Variants in PXDNL observed in about 807,000 individuals in gnomAD.
PXDNL encodes peroxidasin like, also known as probable oxidoreductase PXDNL.
In PXDNL, 145 loss-of-function variants were observed where a neutral mutation model predicts 150.8. The ratio of observed to expected loss-of-function variants is 0.96; its 90% CI spans 0.84 to 1.10. The LOEUF (loss-of-function observed/expected upper bound fraction) is 1.10. PXDNL is among the 50% of genes least tolerant of loss of function. The pLI is 0.00. For synonymous variants in PXDNL, 757 were observed against 725.7 expected (o/e 1.04, Z -0.69); for missense variants, 2,087 against 1,873.9 (o/e 1.11, Z -2.10).
At chr8:51,657,086 T>C (rs531967473) in intron 1 of PXDNL, among the ~76,000 whole-genome samples, 1 of 152,286 alleles carries the variant, frequency 6.6e-6, no homozygotes, top group South Asian at 2.1e-4. Context: ...TAGCTTAGCC[T>C]AGCCTACCTT....
intron 4 of PXDNL, among the ~76,000 whole-genome samples, chr8:51,555,478 T>TA (rs1431204745): frequency 7.2e-5 from 11 of 152,312 alleles, no homozygotes; most frequent in Admixed American, 4.6e-4. Flanking sequence ...AAAGGCAATT[T>TA]AAAAAAATTT....
chr8:51,715,487 G>A (rs1461681635), intron 1 of PXDNL, among the ~76,000 whole-genome samples: 3 of 152,148 alleles, frequency 2.0e-5, no homozygotes, highest in Admixed American at 6.5e-5. Flanking sequence ...GACACATTAG[G>A]TTTGAACGTC....
rs75490938 is a variant in PXDNL, at chr8:51,729,890, G to A, written c.165-75130C>T. Among the ~76,000 whole-genome samples, 914 of 152,318 alleles carry A rather than the reference G, an allele frequency of 6.0e-3. 13 individuals carry two copies. Among genetic ancestry groups the A allele is most frequent in the African/African-American group, 0.021 (871 of 41,572 alleles). ...AAAGAAGCCAATCTGAAAAGGCTATGTGCTATGTGACACACTATGGCATTC... is the reference window on the plus strand; with the variant it reads ...AAAGAAGCCAATCTGAAAAGGCTATATGCTATGTGACACACTATGGCATTC... On this transcript the variant is annotated intron_variant, in intron 1 of 22. Coordinates refer to ENST00000356297, the MANE Select transcript of PXDNL (RefSeq NM_144651.5).
chr8:51,336,115 C>T (rs1805824819), intron 21 of PXDNL, among the ~76,000 whole-genome samples: 1 of 152,150 alleles, frequency 6.6e-6, no homozygotes, highest in African/African-American at 2.4e-5. Flanking sequence ...CCCCTCACAT[C>T]TAAAGGATGA....
intron 3 of PXDNL, among the ~76,000 whole-genome samples, chr8:51,572,516 G>T (rs1473587620): frequency 6.6e-6 from 1 of 151,862 alleles, no homozygotes; most frequent in Non-Finnish European, 1.5e-5. Context: ...AATTCATGGA[G>T]ACTGAAAGTA....
intron 6 of PXDNL, among the ~76,000 whole-genome samples, chr8:51,476,254 G>A (rs1810472364): frequency 1.3e-5 from 2 of 152,332 alleles, no homozygotes; most frequent in East Asian, 1.9e-4. Context: ...GCCCAAAGGA[G>A]GCTTATAAAT....
At chr8:51,528,904 C>T (rs1178698218) in intron 4 of PXDNL, among the ~76,000 whole-genome samples, 2 of 152,170 alleles carry the variant, frequency 1.3e-5, no homozygotes, top group Non-Finnish European at 2.9e-5. Flanking sequence ...AAGGAGCACA[C>T]CCATGCTGAC....
rs937884890 is a variant in PXDNL at position 51,716,821 on chromosome 8, C to T, written c.165-62061G>A. On this transcript the variant is annotated intron_variant, in intron 1 of 22. Coordinates refer to ENST00000356297, the MANE Select transcript of PXDNL (RefSeq NM_144651.5). ...TCAGGAAGAGCAGAGAAGGCTCCCTCGGGCCCTTCATAGCAAGCAAGGGGA... is the reference window on the plus strand; with the variant it reads ...TCAGGAAGAGCAGAGAAGGCTCCCTTGGGCCCTTCATAGCAAGCAAGGGGA... Among the ~76,000 whole-genome samples, 11 of 152,308 alleles carry T rather than the reference C, an allele frequency of 7.2e-5. No individual in the cohort carries two copies. The Middle Eastern group carries it at 0.01, about 141-fold the overall frequency.
intron 2 of PXDNL, among the ~76,000 whole-genome samples, chr8:51,652,178 A>G (rs1391958229): frequency 6.6e-6 from 1 of 152,186 alleles, no homozygotes; most frequent in Non-Finnish European, 1.5e-5. Flanking sequence ...CTGTGTTCAT[A>G]TAAGAGCCAT....
At chr8:51,704,600 A>G (rs1816323382) in intron 1 of PXDNL, among the ~76,000 whole-genome samples, 1 of 152,232 alleles carries the variant, frequency 6.6e-6, no homozygotes, top group Non-Finnish European at 1.5e-5. Context: ...TCCCATCAGC[A>G]GTGTATAACA....
chr8:51,451,877 C>A (rs1809815860), intron 10 of PXDNL, among the ~76,000 whole-genome samples: 1 of 152,170 alleles, frequency 6.6e-6, no homozygotes, highest in East Asian at 1.9e-4. Context: ...GTTTCAAAAT[C>A]AATTAAAAAT....
chr8:51,571,378 C>G (rs1812941667), intron 3 of PXDNL, among the ~76,000 whole-genome samples: 1 of 151,710 alleles, frequency 6.6e-6, no homozygotes, highest in Non-Finnish European at 1.5e-5. Context: ...ATTTACATAA[C>G]AGATATGTAT....
intron 4 of PXDNL, among the ~76,000 whole-genome samples, chr8:51,517,473 C>A (rs956893636): frequency 1.3e-5 from 2 of 152,028 alleles, no homozygotes; most frequent in Non-Finnish European, 2.9e-5. Flanking sequence ...GTAATAGAAC[C>A]TTTTCCTATC....
In PXDNL at chr8:51,319,782, G is replaced by A; in HGVS notation, c.*109C>T. On this transcript the variant is annotated 3_prime_UTR_variant, in exon 23 of 23. Transcript: ENST00000356297. Reference sequence around the variant, plus strand: ...AGATTAGATGAACTAAGTTGCTTAAGTCAGTGGTTTCCATATCAACAATGT... The same window carrying A: ...AGATTAGATGAACTAAGTTGCTTAAATCAGTGGTTTCCATATCAACAATGT... 1.0e-6 allele frequency: 1 copy of A among 993,888 alleles called. No homozygotes were observed. Among genetic ancestry groups the A allele is most frequent in the Non-Finnish European group, 1.4e-6 (1 of 727,286 alleles). 61.6% of individuals were successfully genotyped at this position (993,888 alleles called of 1,614,324 possible).
chr8:51,456,186 CAG>C (rs2129989978), intron 9 of PXDNL, among the ~76,000 whole-genome samples: 1 of 152,272 alleles, frequency 6.6e-6, no homozygotes, highest in East Asian at 1.9e-4. Flanking sequence ...TTAATCATCT[CAG>C]TGTAGCGTCA....
At chr8:51,612,033 C>A (rs866189102) in intron 2 of PXDNL, among the ~76,000 whole-genome samples, 3 of 152,228 alleles carry the variant, frequency 2.0e-5, no homozygotes, top group African/African-American at 7.2e-5. Context: ...CTTGAAAGCA[C>A]TGGGGACTCA....
chr8:51,496,485 A>C (rs1811054683), intron 5 of PXDNL, among the ~76,000 whole-genome samples: 1 of 152,230 alleles, frequency 6.6e-6, no homozygotes, highest in Non-Finnish European at 1.5e-5. Flanking sequence ...AGAGGAAGTC[A>C]AATTGTCCCT....
intron 19 of PXDNL, among the ~76,000 whole-genome samples, chr8:51,371,477 T>C (rs945991361): frequency 2.0e-5 from 3 of 152,342 alleles, no homozygotes; most frequent in Middle Eastern, 3.4e-3. Flanking sequence ...CAACATCTTA[T>C]GAAGAATGGA....
At chr8:51,508,269 C>T (rs2130329413) in intron 4 of PXDNL, among the ~76,000 whole-genome samples, 1 of 152,242 alleles carries the variant, frequency 6.6e-6, no homozygotes, top group Non-Finnish European at 1.5e-5. Flanking sequence ...CAATTTTCCC[C>T]TTAAGGTAAA....
Sources: allele counts gnomAD v4.1 joint callset (sites outside exome capture counted in the v4.1 genomes callset), GRCh38; gene constraint gnomAD v4.1.1; transcripts MANE v1.5; gene names NCBI Gene and HGNC (gene_info 2026-07-23, HGNC 2026-07-21).